Variants in GYG1 observed in about 807,000 individuals in gnomAD.
The protein encoded by GYG1 is glycogenin 1.
A neutral mutation model predicts 41.9 loss-of-function variants in GYG1; 44 were observed. That is an observed-to-expected ratio of 1.05 (90% CI 0.83 to 1.35). The LOEUF is 1.35. GYG1 is among the 40% of genes most tolerant of loss of function. The pLI, the probability that GYG1 is intolerant of heterozygous loss-of-function variation, is 0.00. For missense variants in GYG1, 429 were observed against 418.9 expected (o/e 1.02, Z -0.21); for synonymous variants, 141 against 158.1 (o/e 0.89, Z 0.81).
chr3:149,028,976 C>CAA lies in GYG1; in HGVS notation c.*2045_*2046dup, dbSNP rs929439770. ...TCGTGATCCACCGGCCTTGGCCTCCCAAAGTGCTGGGATTACAGGCGTGAG... is the reference window on the plus strand; with the variant it reads ...TCGTGATCCACCGGCCTTGGCCTCCCAAAAAGTGCTGGGATTACAGGCGTGAG... On this transcript the variant is annotated 3_prime_UTR_variant, in exon 8 of 8. Transcript: ENST00000345003. Among the ~76,000 whole-genome samples the CAA allele has an allele frequency of 1.1e-4, 16 of 152,178 alleles. No individual in the cohort carries two copies. Among genetic ancestry groups the CAA allele is most frequent in the African/African-American group, 3.6e-4 (15 of 41,440 alleles).
In GYG1 at chr3:149,016,998, C is replaced by T. The variant is rs16861290; in HGVS notation, c.609-7055C>T. Among the ~76,000 whole-genome samples, 39 of 152,284 alleles carry T rather than the reference C, an allele frequency of 2.6e-4. No individual in the cohort carries two copies. The East Asian group carries it at 3.9e-3, about 15-fold the overall frequency. ...GTCGCACAAGCAGTGCCGTCTTTCTCGGTATCTGACTGAACAATGCACGTA... is the reference window on the plus strand; with the variant it reads ...GTCGCACAAGCAGTGCCGTCTTTCTTGGTATCTGACTGAACAATGCACGTA... On this transcript the variant is annotated intron_variant, in intron 5 of 7. Transcript: ENST00000345003.
rs1715042600 is a variant in GYG1, at chr3:149,031,545, T to G, written c.*4612T>G. 6.6e-6 allele frequency: 1 copy of G among 152,580 alleles called. No individual in the cohort carries two copies. Among genetic ancestry groups the G allele is most frequent in the South Asian group, 2.1e-4 (1 of 4,824 alleles). The allele number at this position is 152,580 out of a possible 1,614,324, so 9.5% of individuals were successfully genotyped here. On this transcript the variant is annotated 3_prime_UTR_variant, in exon 8 of 8. Transcript: ENST00000345003. ...ATACCTCAGACACAGCAAGTTACATTTAAACAATGAGTGTAGTACTACTTA... is the reference window on the plus strand; with the variant it reads ...ATACCTCAGACACAGCAAGTTACATGTAAACAATGAGTGTAGTACTACTTA...
At chr3:149,015,641 A>G (rs1487335350) in intron 5 of GYG1, among the ~76,000 whole-genome samples, 7 of 152,154 alleles carry the variant, frequency 4.6e-5, no homozygotes, top group Admixed American at 3.9e-4. Context: ...CTTTGGCAAG[A>G]GGACGTCTGG....
chr3:149,021,785 T>A (rs1714385507), intron 5 of GYG1, among the ~76,000 whole-genome samples: 1 of 152,132 alleles, frequency 6.6e-6, no homozygotes, highest in African/African-American at 2.4e-5. Flanking sequence ...TAATAAACTT[T>A]AGGGGATAGG....
chr3:148,994,241 T>C lies in GYG1; in HGVS notation c.107T>C (p.Val36Ala), dbSNP rs768552016. The change falls in exon 2 of 8, where the codon GTC (valine) becomes GCC (alanine). Residue 36 changes from valine (V) to alanine (A), a missense_variant. Transcript: ENST00000345003. Reference sequence around the variant, plus strand: ...CAGCACAGGACCACCAGGAGGCTGGTCGTGCTCGCCACCCCTCAGGTCTCA... The same window carrying C: ...CAGCACAGGACCACCAGGAGGCTGGCCGTGCTCGCCACCCCTCAGGTCTCA... ...LKQHRTTRRL[V>A]VLATPQVSDS... is the part of the protein sequence containing the mutation. The C allele has an allele frequency of 9.9e-6, 16 of 1,613,980 alleles. No homozygotes were observed. In the East Asian group the frequency reaches 3.3e-4, roughly 34 times the overall value.
chr3:148,993,259 C>A (rs1712589587), intron 1 of GYG1, among the ~76,000 whole-genome samples: 1 of 133,726 alleles, frequency 7.5e-6, no homozygotes, highest in Non-Finnish European at 1.5e-5. Context: ...TATTTACCTT[C>A]TCTTCTGGCA....
chr3:149,015,303 G>A (rs1367731063), intron 5 of GYG1, among the ~76,000 whole-genome samples: 1 of 152,110 alleles, frequency 6.6e-6, no homozygotes, highest in Admixed American at 6.5e-5. Context: ...AGAGAAGTCT[G>A]GAACATATGA....
At chr3:148,995,846 AGTGTTGT>A (rs1712753341) in intron 2 of GYG1, among the ~76,000 whole-genome samples, 1 of 152,222 alleles carries the variant, frequency 6.6e-6, no homozygotes, top group African/African-American at 2.4e-5. Context: ...GGCATAGAGA[AGTGTTGT>A]ACCTCACAAA....
At position 149,029,792 on chromosome 3, in the gene GYG1, A is replaced by G. The variant is rs980300708; in HGVS notation, c.*2859A>G. Among the ~76,000 whole-genome samples the G allele has an allele frequency of 6.6e-6, 1 of 152,252 alleles. No individual in the cohort carries two copies. The highest frequency in any genetic ancestry group is 2.4e-5 in the African/African-American group (1 of 41,468). On this transcript the variant is annotated 3_prime_UTR_variant, in exon 8 of 8. Transcript: ENST00000345003. ...TTGTATTTCCAATTCTAGAGCTGTA[A>G]TTTTAAGGACAAAATGTACAATGAT...
intron 5 of GYG1, 80 bp downstream of exon 5, chr3:149,009,482 G>A (rs1045877723): frequency 7.5e-7 from 1 of 1,325,922 alleles, no homozygotes; most frequent in South Asian, 1.2e-5. Context: ...CTGCTTCATT[G>A]TCATTCCGAG....
chr3:149,007,533 C>T (rs1001373911), intron 4 of GYG1, among the ~76,000 whole-genome samples: 8 of 152,162 alleles, frequency 5.3e-5, no homozygotes, highest in African/African-American at 9.7e-5. Flanking sequence ...GGATAGAATA[C>T]GCAGAGGGTG....
In GYG1 at chr3:149,026,503, G is replaced by T. The variant is rs747963554; in HGVS notation, c.879+1G>T. 6 of 1,587,448 alleles carry T rather than the reference G, an allele frequency of 3.8e-6. No individual in the cohort carries two copies. Among genetic ancestry groups the T allele is most frequent in the Non-Finnish European group, 8.7e-7 (1 of 1,155,868 alleles). The stretch of plus-strand genomic sequence containing the variant: ...TTTCTCTTGTGGCTTCTGTAGAAAG[G>T]TATGCAGAACTTAAAGATTAACCCT... On this transcript the variant is annotated splice_donor_variant, in intron 7 of 7. Coordinates refer to ENST00000345003, the MANE Select transcript of GYG1 (RefSeq NM_004130.4). LOFTEE classifies it high-confidence loss of function.
chr3:149,025,933 A>G (rs1714626733), intron 6 of GYG1, among the ~76,000 whole-genome samples: 1 of 152,176 alleles, frequency 6.6e-6, no homozygotes, highest in Non-Finnish European at 1.5e-5. Context: ...TTGTGAACAG[A>G]GAGGACTCTG....
rs1057348109 is a variant in GYG1 at position 149,027,079 on chromosome 3, A to C, written c.*146A>C. On this transcript the variant is annotated 3_prime_UTR_variant, in exon 8 of 8. Transcript: ENST00000345003. Reference sequence around the variant, plus strand: ...AGATGAGAGGCTTTTTTAGGATAAGAGGTGAGAACTGGGCAAAAGTTGTGA... The same window carrying C: ...AGATGAGAGGCTTTTTTAGGATAAGCGGTGAGAACTGGGCAAAAGTTGTGA... The C allele has an allele frequency of 6.2e-6, 5 of 801,170 alleles. No individual in the cohort carries two copies. The highest frequency in any genetic ancestry group is 4.8e-5 in the Admixed American group (2 of 41,372). 49.6% of individuals were successfully genotyped at this position (801,170 alleles called of 1,614,324 possible).
At chr3:148,992,010 CG>C (rs1314437316) in intron 1 of GYG1, among the ~76,000 whole-genome samples, 19 of 151,862 alleles carry the variant, frequency 1.3e-4, no homozygotes, top group African/African-American at 4.6e-4. Context: ...GGCGGGAGTC[CG>C]GGGCGCAGCG....
In GYG1 at chr3:149,028,156, CTT is replaced by C. The variant is rs1714751870; in HGVS notation, c.*1225_*1226del. ...GACAGTTAACCATGACAGGAAGAAA[CTT>C]TAGAGGTTTGATTGGGCAAAAGCTG... On this transcript the variant is annotated 3_prime_UTR_variant, in exon 8 of 8. Transcript: ENST00000345003. 6.6e-6 allele frequency among the ~76,000 whole-genome samples: 1 copy of C among 152,058 alleles called. No individual in the cohort carries two copies. The highest frequency in any genetic ancestry group is 2.4e-5 in the African/African-American group (1 of 41,416).
At chr3:148,999,856 C>A (rs1296440694) in intron 4 of GYG1, among the ~76,000 whole-genome samples, 4 of 152,172 alleles carry the variant, frequency 2.6e-5, no homozygotes, top group Non-Finnish European at 5.9e-5. Context: ...CCCTCCACCA[C>A]CCCCATAGTC....
chr3:148,997,605 A>G (rs946231791), intron 4 of GYG1, among the ~76,000 whole-genome samples: 9 of 152,366 alleles, frequency 5.9e-5, no homozygotes, highest in Admixed American at 5.2e-4. Context: ...TTTCAGGCCA[A>G]TTTCTGAAAT....
At chr3:149,006,598 G>A (rs755448131) in intron 4 of GYG1, among the ~76,000 whole-genome samples, 2 of 152,182 alleles carry the variant, frequency 1.3e-5, no homozygotes, top group Non-Finnish European at 2.9e-5. Flanking sequence ...TCTTATAGCT[G>A]AGAAATATCC....
Sources: allele counts gnomAD v4.1 joint callset (sites outside exome capture counted in the v4.1 genomes callset), GRCh38; gene constraint gnomAD v4.1.1; transcripts MANE v1.5; gene names NCBI Gene and HGNC (gene_info 2026-07-23, HGNC 2026-07-21).